The following ADGRB3 variants were observed in gnomAD, a reference collection of about 807,000 sequenced individuals.
ADGRB3 encodes the protein brain-specific angiogenesis inhibitor 3.
In ADGRB3, 37 loss-of-function variants were observed where a neutral mutation model predicts 193.4. The observed-to-expected ratio is 0.19, with a 90% confidence interval of 0.15 to 0.25. ADGRB3 has a LOEUF of 0.25. Among genes scored for constraint, ADGRB3 ranks in the 10% least tolerant of loss-of-function variants. ADGRB3 has a pLI of 1.00. For missense variants in ADGRB3, 1,637 were observed against 1,852.9 expected (o/e 0.88, Z 2.14); for synonymous variants, 690 against 644.2 (o/e 1.07, Z -1.08).
chr6:69,259,741 GT>G (rs1271146509), intron 20 of ADGRB3, among the ~76,000 whole-genome samples: 3 of 150,938 alleles, frequency 2.0e-5, no homozygotes, highest in Admixed American at 1.3e-4. Flanking sequence ...AATGTTTGTG[GT>G]TTTTCCCCTT....
At chr6:69,069,419 T>C (rs1489392670) in intron 16 of ADGRB3, among the ~76,000 whole-genome samples, 1 of 151,622 alleles carries the variant, frequency 6.6e-6, no homozygotes, top group Non-Finnish European at 1.5e-5. Flanking sequence ...CCCTTAGCAA[T>C]TCCTGAGATG....
intron 17 of ADGRB3, among the ~76,000 whole-genome samples, chr6:69,091,689 A>G (rs1772714107): frequency 6.6e-6 from 1 of 152,174 alleles, no homozygotes; most frequent in Non-Finnish European, 1.5e-5. Flanking sequence ...AACAGTAGGT[A>G]CTAGGCTTAA....
At chr6:68,648,223 T>A (rs950768972) in intron 3 of ADGRB3, among the ~76,000 whole-genome samples, 4 of 152,130 alleles carry the variant, frequency 2.6e-5, no homozygotes, top group African/African-American at 9.7e-5. Flanking sequence ...CAAAATTAAC[T>A]GAATGAATAG....
intron 3 of ADGRB3, among the ~76,000 whole-genome samples, chr6:68,843,048 C>CAA (rs746757153): frequency 0.15 from 13,273 of 87,778 alleles, 628 homozygotes; most frequent in African/African-American, 0.17. Context: ...CCATATACAA[C>CAA]AACAAAAAAA....
chr6:68,877,614 C>G (rs878894207), intron 3 of ADGRB3, among the ~76,000 whole-genome samples: 1 of 152,054 alleles, frequency 6.6e-6, no homozygotes, highest in African/African-American at 2.4e-5. Context: ...TTTAATGGAT[C>G]TGGGCTAATT....
At chr6:68,745,464 G>T (rs955188179) in intron 3 of ADGRB3, among the ~76,000 whole-genome samples, 1 of 152,066 alleles carries the variant, frequency 6.6e-6, no homozygotes, top group African/African-American at 2.4e-5. Flanking sequence ...GTTGTTTAAT[G>T]AGTATAGAGT....
intron 3 of ADGRB3, among the ~76,000 whole-genome samples, chr6:68,833,336 G>A (rs1767988374): frequency 6.6e-6 from 1 of 151,542 alleles, no homozygotes; most frequent in South Asian, 2.1e-4. Flanking sequence ...TATGTGACTA[G>A]GAGAGAAGAT....
intron 3 of ADGRB3, among the ~76,000 whole-genome samples, chr6:68,695,683 C>A (rs988527310): frequency 6.6e-6 from 1 of 151,828 alleles, no homozygotes; most frequent in South Asian, 2.1e-4. Context: ...TGTTAAGAGT[C>A]CACAGCGAGT....
At chr6:69,054,030 GAAAAATGTAGTCCCTTAAA>G (rs1373608678) in intron 15 of ADGRB3, among the ~76,000 whole-genome samples, 6 of 152,170 alleles carry the variant, frequency 3.9e-5, no homozygotes, top group Admixed American at 3.9e-4. Context: ...GTTAAGACAT[GAAAAATGTAGTCCCTTAAA>G]AAATGCATCT....
intron 3 of ADGRB3, among the ~76,000 whole-genome samples, chr6:68,789,520 A>G (rs1767055029): frequency 6.6e-6 from 1 of 152,200 alleles, no homozygotes; most frequent in Admixed American, 6.5e-5. Flanking sequence ...CTGCGGAGAG[A>G]TCAGCTGTTA....
intron 31 of ADGRB3, among the ~76,000 whole-genome samples, chr6:69,384,304 A>G (rs1562005619): frequency 1.3e-5 from 2 of 152,030 alleles, no homozygotes; most frequent in Non-Finnish European, 2.9e-5. Context: ...GCATATAGAA[A>G]ACACTTCATT....
At chr6:69,202,784 A>G (rs1415175841) in intron 17 of ADGRB3, among the ~76,000 whole-genome samples, 1 of 152,170 alleles carries the variant, frequency 6.6e-6, no homozygotes, top group Non-Finnish European at 1.5e-5. Context: ...CTTTATTGGC[A>G]GCTACCAGAA....
chr6:69,113,284 T>C (rs949886776), intron 17 of ADGRB3, among the ~76,000 whole-genome samples: 1 of 152,060 alleles, frequency 6.6e-6, no homozygotes, highest in Non-Finnish European at 1.5e-5. Context: ...CATATTTATA[T>C]GTACAATATA....
intron 3 of ADGRB3, among the ~76,000 whole-genome samples, chr6:68,663,715 A>C (rs1362566952): frequency 6.6e-6 from 1 of 151,870 alleles, no homozygotes; most frequent in African/African-American, 2.4e-5. Flanking sequence ...GAAATTCTAC[A>C]ACTATCAATG....
chr6:69,047,846 TAA>T (rs920384075), intron 13 of ADGRB3, among the ~76,000 whole-genome samples: 1 of 152,134 alleles, frequency 6.6e-6, no homozygotes, highest in South Asian at 2.1e-4. Context: ...AGAATGTTTT[TAA>T]AAAATACAGT....
At chr6:69,184,721 C>T (rs967589676) in intron 17 of ADGRB3, among the ~76,000 whole-genome samples, 1 of 151,854 alleles carries the variant, frequency 6.6e-6, no homozygotes, top group Non-Finnish European at 1.5e-5. Context: ...TTCATATGAG[C>T]CCAAAAGAAA....
intron 3 of ADGRB3, among the ~76,000 whole-genome samples, chr6:68,831,549 GC>G (rs1463288741): frequency 6.6e-6 from 1 of 152,086 alleles, no homozygotes; most frequent in Non-Finnish European, 1.5e-5. Context: ...CTAGTTTTGA[GC>G]ACGGGGTAGT....
intron 3 of ADGRB3, among the ~76,000 whole-genome samples, chr6:68,773,349 C>T (rs528840287): frequency 8.5e-5 from 13 of 152,064 alleles, no homozygotes; most frequent in Admixed American, 2.6e-4. Flanking sequence ...GTACTATGTG[C>T]GCAAAATTTA....
chr6:69,353,195 A>G (rs1769264963), intron 26 of ADGRB3, among the ~76,000 whole-genome samples: 1 of 152,306 alleles, frequency 6.6e-6, no homozygotes, highest in East Asian at 1.9e-4. Context: ...TCAGCTATTC[A>G]TGTTCCTTGA....
Sources: gnomAD v4.1 joint callset for allele counts (sites outside exome capture counted in the v4.1 genomes callset) on GRCh38, gnomAD v4.1.1 for gene constraint, MANE v1.5 for transcripts, NCBI Gene and HGNC (gene_info 2026-07-23, HGNC 2026-07-21) for gene names.